The following EEFSEC variants were observed in gnomAD, a reference collection of about 807,000 sequenced individuals.
The protein encoded by EEFSEC is selenocysteine-specific elongation factor.
In EEFSEC, 43 loss-of-function variants were observed where a neutral mutation model predicts 42.1. That is an observed-to-expected ratio of 1.02 (90% CI 0.80 to 1.32). The LOEUF is 1.32. EEFSEC is among the 40% of genes most tolerant of loss of function. EEFSEC has a pLI of 0.00. For synonymous variants in EEFSEC, 354 were observed against 339.1 expected, an observed-to-expected ratio of 1.04 and a Z score of -0.48; for missense variants, 745 against 803.6, an observed-to-expected ratio of 0.93 and a Z score of 0.88.
rs866275152 is a variant in EEFSEC, at chr3:128,267,834, G to T, written c.786+3053G>T. On this transcript the variant is annotated intron_variant, in intron 4 of 6. Coordinates refer to ENST00000254730, the MANE Select transcript of EEFSEC (RefSeq NM_021937.5). ...CTATAGCAAAGTTATGCGGAGAGCC[G>T]TCTTGGCTAATGGCATGGACCCCTT... Among the ~76,000 whole-genome samples, 10 of 152,336 alleles carry T rather than the reference G, an allele frequency of 6.6e-5. No individual in the cohort carries two copies. The Middle Eastern group carries it at 0.014, about 207-fold the overall frequency.
chr3:128,196,924 G>T (rs926282987), intron 1 of EEFSEC, among the ~76,000 whole-genome samples: 1 of 152,196 alleles, frequency 6.6e-6, no homozygotes, highest in African/African-American at 2.4e-5. Flanking sequence ...TTGTCTTGTG[G>T]CTCCTCTAGG....
At chr3:128,154,016 G>C in intron 1 of EEFSEC, 193 bp downstream of exon 1, 2 of 681,550 alleles carry the variant, frequency 2.9e-6, no homozygotes, top group Non-Finnish European at 4.3e-6. Flanking sequence ...TTGAGATTCA[G>C]CTTTTCCCAT....
At chr3:128,157,462 A>G (rs1309277245) in intron 1 of EEFSEC, among the ~76,000 whole-genome samples, 5 of 152,254 alleles carry the variant, frequency 3.3e-5, no homozygotes. Flanking sequence ...TTTCATAGCT[A>G]CAGAGAAGTC....
chr3:128,337,325 C>T (rs377380522), intron 4 of EEFSEC, among the ~76,000 whole-genome samples: 1 of 152,174 alleles, frequency 6.6e-6, no homozygotes, highest in African/African-American at 2.4e-5. Flanking sequence ...TATCTTTGTG[C>T]TCTTCATGGT....
Position 128,247,623 on chromosome 3 carries a change from C to A in EEFSEC, c.524+580C>A, listed in dbSNP as rs559149666. Among the ~76,000 whole-genome samples the A allele has an allele frequency of 3.0e-4, 46 of 152,264 alleles. 2 individuals carry two copies. In the South Asian group the frequency reaches 8.8e-3, roughly 29 times the overall value. On this transcript the variant is annotated intron_variant, in intron 2 of 6. Coordinates refer to ENST00000254730, the MANE Select transcript of EEFSEC (RefSeq NM_021937.5). The stretch of plus-strand genomic sequence containing the variant: ...TAGGAAACACCAAATCACAAAGGAC[C>A]TTTTTAGCATCTTCTGCCAAGGAGT...
intron 1 of EEFSEC, among the ~76,000 whole-genome samples, chr3:128,230,303 A>C (rs2065947711): frequency 6.6e-6 from 1 of 152,166 alleles, no homozygotes; most frequent in Admixed American, 6.5e-5. Flanking sequence ...GTGCCACTGC[A>C]CCTGGCTAAT....
chr3:128,213,661 C>T (rs545552647), intron 1 of EEFSEC, among the ~76,000 whole-genome samples: 24 of 151,988 alleles, frequency 1.6e-4, no homozygotes, highest in African/African-American at 5.3e-4. Context: ...CGGGGAGTGC[C>T]GGGCCACGTG....
Position 128,153,815 on chromosome 3 carries a change from T to G in EEFSEC, c.308T>G (p.Ile103Ser). ...GGGCACGCCTCCCTCATCCGGACCA[T>G]CATCGGCGGTGAGCGCGGGCCGGGG... ...CPGHASLIRT[I>S]IGGAQIIDLM... is the part of the protein sequence containing the mutation. The change falls in exon 1 of 7, where the codon ATC (isoleucine) becomes AGC (serine). Residue 103 changes from isoleucine to serine, a missense_variant. Coordinates refer to ENST00000254730, the MANE Select transcript of EEFSEC (RefSeq NM_021937.5). 1 of 1,506,884 alleles carries G rather than the reference T, an allele frequency of 6.6e-7. No homozygotes were observed. Among genetic ancestry groups the G allele is most frequent in the Non-Finnish European group, 8.8e-7 (1 of 1,134,262 alleles). The allele number at this position is 1,506,884 out of a possible 1,614,324, so 93.3% of individuals were successfully genotyped here. A position where few individuals can be genotyped will look rare whatever the true frequency, so the allele number is the denominator to read the frequency against.
intron 6 of EEFSEC, among the ~76,000 whole-genome samples, chr3:128,387,446 C>T (rs1032557217): frequency 2.0e-5 from 3 of 152,068 alleles, no homozygotes; most frequent in East Asian, 1.9e-4. Flanking sequence ...TCGCAAAAGT[C>T]GTGATGCCAA....
intron 1 of EEFSEC, among the ~76,000 whole-genome samples, chr3:128,204,292 G>A (rs144255197): frequency 1.4e-4 from 22 of 152,300 alleles, no homozygotes; most frequent in African/African-American, 4.8e-4. Flanking sequence ...ACTTATGACA[G>A]TCATTGTAAG....
chr3:128,154,058 T>TAAA (rs376181797), intron 1 of EEFSEC: 180 of 289,258 alleles, frequency 6.2e-4, no homozygotes, highest in South Asian at 2.1e-3. Flanking sequence ...GCGCCTTCCT[T>TAAA]AAAAAAAAAA....
At chr3:128,175,411 C>T (rs1420645034) in intron 1 of EEFSEC, among the ~76,000 whole-genome samples, 2 of 152,202 alleles carry the variant, frequency 1.3e-5, no homozygotes, top group Non-Finnish European at 2.9e-5. Context: ...AGCAGTCCTA[C>T]TGCTGTGCAG....
chr3:128,302,488 G>A (rs1264458161), intron 4 of EEFSEC, among the ~76,000 whole-genome samples: 2 of 152,064 alleles, frequency 1.3e-5, no homozygotes, highest in Non-Finnish European at 2.9e-5. Context: ...TAAAGTGTAA[G>A]AAATAAATAT....
intron 2 of EEFSEC, among the ~76,000 whole-genome samples, chr3:128,250,096 T>G (rs1310618890): frequency 1.3e-5 from 2 of 152,164 alleles, no homozygotes; most frequent in Non-Finnish European, 2.9e-5. Flanking sequence ...TAGGTTGGGT[T>G]GTTTTCTGTT....
chr3:128,153,572 C>T lies in EEFSEC; in HGVS notation c.65C>T (p.Ala22Val). The T allele has an allele frequency of 1.3e-6, 2 of 1,546,774 alleles. No individual in the cohort carries two copies. The change falls in exon 1 of 7, where the codon GCG (alanine) becomes GTG (valine). Residue 22 changes from alanine to valine, a missense_variant. Transcript: ENST00000254730. Reference protein sequence around the residue: ...VLGHIDSGKTALARALSTTAS... With the variant: ...VLGHIDSGKTVLARALSTTAS... ...GGCCACATCGACAGCGGCAAGACGGCGCTGGCGCGGGCGCTAAGCACCACA... is the reference window on the plus strand; with the variant it reads ...GGCCACATCGACAGCGGCAAGACGGTGCTGGCGCGGGCGCTAAGCACCACA...
At chr3:128,412,815 G>A (rs1476374915), downstream of EEFSEC, among the ~76,000 whole-genome samples, 1 of 152,214 alleles carries the variant, frequency 6.6e-6, no homozygotes, top group Non-Finnish European at 1.5e-5. Flanking sequence ...CTGGGAGTGG[G>A]GCTCGCAAGG....
At chr3:128,187,267 T>C (rs1026176666) in intron 1 of EEFSEC, among the ~76,000 whole-genome samples, 12 of 152,316 alleles carry the variant, frequency 7.9e-5, no homozygotes, top group African/African-American at 2.6e-4. Context: ...CAAGATGTAC[T>C]AAACAAGTTC....
intron 1 of EEFSEC, among the ~76,000 whole-genome samples, chr3:128,211,642 A>C (rs1329569818): frequency 2.0e-5 from 3 of 151,446 alleles, no homozygotes; most frequent in African/African-American, 4.9e-5. Context: ...CAGCCCCCCA[A>C]GTAGCTGGGA....
intron 1 of EEFSEC, among the ~76,000 whole-genome samples, chr3:128,174,382 T>G (rs1280989641): frequency 1.3e-5 from 2 of 152,250 alleles, no homozygotes; most frequent in Non-Finnish European, 2.9e-5. Context: ...TTTCAGTTTT[T>G]GCAGTTTTCT....
Sources: allele counts gnomAD v4.1 joint callset (sites outside exome capture counted in the v4.1 genomes callset), GRCh38; gene constraint gnomAD v4.1.1; transcripts MANE v1.5; gene names NCBI Gene and HGNC (gene_info 2026-07-23, HGNC 2026-07-21).